The following LETMD1 variants were observed in gnomAD, a reference collection of about 807,000 sequenced individuals.
LETMD1 encodes LETM1 domain containing 1.
A neutral mutation model predicts 43.9 loss-of-function variants in LETMD1; 30 were observed. That is an observed-to-expected ratio of 0.68 (90% CI 0.51 to 0.93). The LOEUF (loss-of-function observed/expected upper bound fraction) is 0.93. LETMD1 is among the 40% of genes least tolerant of loss of function. LETMD1 has a pLI of 0.00. For missense variants in LETMD1, 413 were observed against 447.7 expected (o/e 0.92, Z 0.70); for synonymous variants, 176 against 163.1 (o/e 1.08, Z -0.60).
At position 51,059,997 on chromosome 12, in the gene LETMD1, CTTT is replaced by C. The variant is rs546695355; in HGVS notation, c.*569_*571del. On this transcript the variant is annotated 3_prime_UTR_variant, in exon 9 of 9. Transcript: ENST00000262055. Reference sequence around the variant, plus strand: ...CTTCACTGGCATGGGCTAACCACTTCTTTTTCAAACCCTCTGAACACCTTTTTC... The same window carrying C: ...CTTCACTGGCATGGGCTAACCACTTCTTCAAACCCTCTGAACACCTTTTTC... The C allele has an allele frequency of 5.4e-4, 83 of 152,774 alleles. No individual in the cohort carries two copies. The highest frequency in any genetic ancestry group is 4.7e-3 in the South Asian group (23 of 4,850). The allele number at this position is 152,774 out of a possible 1,614,324, so 9.5% of individuals were successfully genotyped here. A position where few individuals can be genotyped will look rare whatever the true frequency, so the allele number is the denominator to read the frequency against.
intron 4 of LETMD1, among the ~76,000 whole-genome samples, chr12:51,055,177 T>G (rs993247831): frequency 2.0e-5 from 3 of 152,134 alleles, no homozygotes; most frequent in Admixed American, 2.0e-4. Context: ...ATTGTCAACA[T>G]CACATATAGT....
rs976071572 is a variant in LETMD1 at position 51,055,961 on chromosome 12, G to A, written c.600G>A (p.Lys200=). 2.5e-6 allele frequency: 4 copies of A among 1,613,968 alleles called. No individual in the cohort carries two copies. In the African/African-American group the frequency reaches 5.3e-5, roughly 22 times the overall value. Residue 200 remains lysine, a synonymous_variant, in exon 5 of 9, where the codon AAG becomes AAA. Transcript: ENST00000262055. ...CAGAAATTATTAGTTATTTAGAAAA[G>A]GTCATCCCTCTCATTTCTGATGCAG... ...SHPEIISYLE[K]VIPLISDAGL... is the part of the protein sequence containing the mutation.
Position 51,055,886 on chromosome 12 carries a change from A to G in LETMD1, c.525A>G (p.Gln175=), listed in dbSNP as rs754887170. 2 of 1,613,988 alleles carry G rather than the reference A, an allele frequency of 1.2e-6. No individual in the cohort carries two copies. Among genetic ancestry groups the G allele is most frequent in the African/African-American group, 1.3e-5 (1 of 74,996 alleles). ...LLIRHFWTPK[Q]QTDFLDIYHA... is the part of the protein sequence containing the mutation. ...TCAGGCATTTCTGGACCCCAAAACA[A>G]CAAACTGATTTCTTAGATATCTATC... The change falls in exon 5 of 9, where the codon CAA becomes CAG. Residue 175 remains glutamine, a synonymous_variant. Transcript: ENST00000262055.
rs759584012 is a variant in LETMD1, at chr12:51,052,195, G to A, written c.378G>A (p.Glu126=). 3.4e-5 allele frequency: 55 copies of A among 1,613,916 alleles called. No homozygotes were observed. Among genetic ancestry groups the A allele is most frequent in the Admixed American group, 1.0e-4 (6 of 60,006 alleles). Residue 126 remains glutamate (E), a synonymous_variant, in exon 3 of 9, where the codon GAG becomes GAA. Coordinates refer to ENST00000262055, the MANE Select transcript of LETMD1 (RefSeq NM_015416.5). ...ATCAACTTCCATACCGGGAGATGGA[G>A]CATTTGAGACAGGTATGGGCCAGGG... ...KFHQLPYREM[E]HLRQFRQDVT... is the part of the protein sequence containing the mutation.
chr12:51,051,475 AG>A (rs1316021107), intron 2 of LETMD1, among the ~76,000 whole-genome samples: 2 of 152,006 alleles, frequency 1.3e-5, no homozygotes, highest in Non-Finnish European at 2.9e-5. Context: ...TGGGAGGCCG[AG>A]GCAGGTGGAT....
chr12:51,055,909 A>G lies in LETMD1; in HGVS notation c.548A>G (p.Tyr183Cys), dbSNP rs376254975. The G allele has an allele frequency of 2.4e-5, 38 of 1,613,892 alleles. No homozygotes were observed. The highest frequency in any genetic ancestry group is 3.2e-5 in the Non-Finnish European group (38 of 1,179,890). ...PKQQTDFLDI[Y>C]HAFRKQSHPE... ...CAACAAACTGATTTCTTAGATATCT[A>G]TCATGCTTTCCGGAAGCAGTCCCAC... Residue 183 changes from tyrosine to cysteine, a missense_variant, in exon 5 of 9, where the codon TAT becomes TGT. Transcript: ENST00000262055.
chr12:51,067,156 A>G, the LETMD1 span, among the ~76,000 whole-genome samples: 1 of 151,886 alleles, frequency 6.6e-6, no homozygotes, highest in Non-Finnish European at 1.5e-5. The surrounding 1 kb of genome is among the most constrained non-coding windows in gnomAD (Gnocchi z 4.1). Flanking sequence ...TCAAGGAATC[A>G]GTATTTAGGA....
At position 51,060,244 on chromosome 12, in the gene LETMD1, G is replaced by C. The variant is rs891452241; in HGVS notation, c.*813G>C. 1.3e-5 allele frequency: 2 copies of C among 152,686 alleles called. No individual in the cohort carries two copies. Among genetic ancestry groups the C allele is most frequent in the Non-Finnish European group, 2.9e-5 (2 of 68,086 alleles). The allele number at this position is 152,686 out of a possible 1,614,324, so 9.5% of individuals were successfully genotyped here. ...CTTCTCTGGGCCATGGATCACACCTGTAAGGTACTAATTACTGCCCAGCCT... is the reference window on the plus strand; with the variant it reads ...CTTCTCTGGGCCATGGATCACACCTCTAAGGTACTAATTACTGCCCAGCCT... On this transcript the variant is annotated 3_prime_UTR_variant, in exon 9 of 9. Coordinates refer to ENST00000262055, the MANE Select transcript of LETMD1 (RefSeq NM_015416.5).
At position 51,058,022 on chromosome 12, in the gene LETMD1, AGTGGTATAGGCTTGTTATCTCC is replaced by A; in HGVS notation, c.916-5_932del. 1 of 1,561,586 alleles carries A rather than the reference AGTGGTATAGGCTTGTTATCTCC, an allele frequency of 6.4e-7. No homozygotes were observed. Among genetic ancestry groups the A allele is most frequent in the Non-Finnish European group, 8.8e-7 (1 of 1,131,938 alleles). On this transcript the variant is annotated splice_acceptor_variant and splice_polypyrimidine_tract_variant and coding_sequence_variant and intron_variant, in exon 8 of 9. Transcript: ENST00000262055. LOFTEE classifies it high-confidence loss of function. The stretch of plus-strand genomic sequence containing the variant: ...ATTATTAAGGACCATTTCTGTTCTG[AGTGGTATAGGCTTGTTATCTCC>A]GTGGCCTGAATTCTACGCATATTGG...
chr12:51,058,135 C>T lies in LETMD1; in HGVS notation c.1012+7C>T, dbSNP rs1365208382. 1 of 1,568,312 alleles carries T rather than the reference C, an allele frequency of 6.4e-7. No individual in the cohort carries two copies. The highest frequency in any genetic ancestry group is 8.8e-7 in the Non-Finnish European group (1 of 1,138,084). ...ATTTCCTGCAGCCTGAAAGGTAAAA[C>T]ACATTTCTGTGGTTATACCACTAAA... On this transcript the variant is annotated splice_region_variant and intron_variant, in intron 8 of 8. Coordinates refer to ENST00000262055, the MANE Select transcript of LETMD1 (RefSeq NM_015416.5).
intron 1 of LETMD1, chr12:51,048,809 C>G (rs1331003390): frequency 1.7e-6 from 1 of 595,406 alleles, no homozygotes; most frequent in Non-Finnish European, 3.0e-6. Context: ...GCATTGCGCT[C>G]TCTCCAGAGG....
downstream of LETMD1, among the ~76,000 whole-genome samples, chr12:51,065,008 T>C (rs1039857621): frequency 6.6e-6 from 1 of 152,208 alleles, no homozygotes; most frequent in East Asian, 1.9e-4. Context: ...CTTCTCTGAA[T>C]GCTGATAGTT....
downstream of LETMD1, chr12:51,063,796 C>CA: frequency 6.2e-7 from 1 of 1,600,120 alleles, no homozygotes; most frequent in Non-Finnish European, 8.5e-7. Context: ...GGCCGATCCT[C>CA]ATTCTGCTGG....
At chr12:51,048,243 C>T, upstream of LETMD1, 1 of 1,384,368 alleles carries the variant, frequency 7.2e-7, no homozygotes, top group Admixed American at 1.7e-5. Context: ...GCCAAGCAGG[C>T]TATGGCTACC....
chr12:51,051,340 G>A (rs1018305408), intron 2 of LETMD1, among the ~76,000 whole-genome samples: 42 of 152,036 alleles, frequency 2.8e-4, no homozygotes, highest in Admixed American at 2.4e-3. Context: ...GGAGGTGGAC[G>A]TTGCAGTGAG....
In LETMD1 at chr12:51,055,863, A is replaced by T; in HGVS notation, c.502A>T (p.Arg168Trp). ...CCTGTTTCCCAGGCAACTACTGATC[A>T]GGCATTTCTGGACCCCAAAACAACA... ...MYLFPRQLLI[R>W]HFWTPKQQTD... The change falls in exon 5 of 9, where the codon AGG becomes TGG. Residue 168 changes from arginine to tryptophan, a missense_variant. Transcript: ENST00000262055. 1 of 1,612,420 alleles carries T rather than the reference A, an allele frequency of 6.2e-7. No individual in the cohort carries two copies. Among genetic ancestry groups the T allele is most frequent in the Non-Finnish European group, 8.5e-7 (1 of 1,179,208 alleles).
chr12:51,051,542 A>T lies in LETMD1; in HGVS notation c.275-550A>T, dbSNP rs188695466. 5.0e-3 allele frequency among the ~76,000 whole-genome samples: 761 copies of T among 152,052 alleles called. 6 individuals carry two copies. Among genetic ancestry groups the T allele is most frequent in the African/African-American group, 0.017 (716 of 41,468 alleles). ...GTCCACATGGTGAAACCCCATCTCTACTAAAAATGCAAAAATTAGCCAGGC... is the reference window on the plus strand; with the variant it reads ...GTCCACATGGTGAAACCCCATCTCTTCTAAAAATGCAAAAATTAGCCAGGC... On this transcript the variant is annotated intron_variant, in intron 2 of 8. Coordinates refer to ENST00000262055, the MANE Select transcript of LETMD1 (RefSeq NM_015416.5).
At chr12:51,067,728 C>T in the LETMD1 span, 30 of 1,614,040 alleles carry the variant, frequency 1.9e-5, no homozygotes, top group African/African-American at 4.0e-5. This position sits in a 1 kb window ranked among gnomAD's most constrained non-coding sequence, Gnocchi z 4.1. Flanking sequence ...ACAATACAGT[C>T]GGCAGTCACA....
At chr12:51,048,642 C>T in intron 1 of LETMD1, 164 bp downstream of exon 1, 1 of 826,604 alleles carries the variant, frequency 1.2e-6, no homozygotes, top group East Asian at 2.7e-5. Flanking sequence ...AGTGACCCGG[C>T]TTCCTGACCC....
Sources: allele counts gnomAD v4.1 joint callset (sites outside exome capture counted in the v4.1 genomes callset), GRCh38; gene constraint gnomAD v4.1.1; non-coding constraint Gnocchi (gnomAD v3.1); transcripts MANE v1.5; gene names NCBI Gene and HGNC (gene_info 2026-07-23, HGNC 2026-07-21).